CHFR: variants seen among roughly 807,000 people sequenced by gnomAD.
CHFR encodes the protein E3 ubiquitin-protein ligase CHFR.
Under a neutral mutation model 87.6 loss-of-function variants are expected in CHFR, and 57 were observed. The observed-to-expected ratio is 0.65, with a 90% CI of 0.53 to 0.81. CHFR has a LOEUF of 0.81. CHFR is among the 30% of genes least tolerant of loss of function. The pLI, the probability that CHFR is intolerant of heterozygous loss-of-function variation, is 0.00. For synonymous variants in CHFR, 381 were observed against 359.2 expected, an observed-to-expected ratio of 1.06 and a Z score of -0.69; for missense variants, 797 against 865.8, an observed-to-expected ratio of 0.92 and a Z score of 1.00.
chr12:132,872,528 A>C, intron 3 of CHFR, 134 bp from the exon 4 acceptor site: 1 of 624,780 alleles, frequency 1.6e-6, no homozygotes, highest in Non-Finnish European at 2.9e-6. Context: ...TAAATACGTA[A>C]CGATGCACAC....
chr12:132,880,628 A>G (rs1951745058), intron 2 of CHFR, among the ~76,000 whole-genome samples: 1 of 150,788 alleles, frequency 6.6e-6, no homozygotes, highest in Admixed American at 6.6e-5. Flanking sequence ...ACTGCACTCC[A>G]GCCTGGGCAA....
chr12:132,869,343 A>T (rs1382259916), intron 6 of CHFR, among the ~76,000 whole-genome samples: 1 of 152,102 alleles, frequency 6.6e-6, no homozygotes, highest in Admixed American at 6.5e-5. Flanking sequence ...ACTAAAATCC[A>T]CTGAAATGTA....
At chr12:132,842,696 C>T (rs939284556) in intron 17 of CHFR, among the ~76,000 whole-genome samples, 4 of 152,226 alleles carry the variant, frequency 2.6e-5, no homozygotes, top group Admixed American at 2.6e-4. Flanking sequence ...CAGCGCTTTG[C>T]GAGGGGGGCC....
chr12:132,884,995 G>A (rs1034164829), intron 2 of CHFR, among the ~76,000 whole-genome samples: 1 of 152,020 alleles, frequency 6.6e-6, no homozygotes, highest in African/African-American at 2.4e-5. Flanking sequence ...GGCTGAGGCA[G>A]GAGAATCGCT....
chr12:132,850,964 C>CATATATATATATATATATATATAT (rs55826641), intron 12 of CHFR, among the ~76,000 whole-genome samples: 1 of 135,682 alleles, frequency 7.4e-6, no homozygotes, highest in African/African-American at 2.9e-5. Context: ...TATGTGTGTG[C>CATATATATATATATATATATATAT]ATATATATAT....
At position 132,837,592 on chromosome 12, in the gene CHFR, A is replaced by T. The variant is rs995186320; in HGVS notation, c.*3962T>A. On this transcript the variant is annotated 3_prime_UTR_variant, in exon 18 of 18. Transcript: ENST00000450056. ...TCACCTTTGTTTTCAGTGTAACTCA[A>T]TTCTAAGTGTAGAGGATGCTTGAAT... 1.3e-5 allele frequency: 2 copies of T among 152,376 alleles called. No homozygotes were observed. The highest frequency in any genetic ancestry group is 4.8e-5 in the African/African-American group (2 of 41,456). The allele number at this position is 152,376 out of a possible 1,614,324, so 9.4% of individuals were successfully genotyped here.
At chr12:132,865,988 T>C (rs574165139) in intron 6 of CHFR, 3 of 152,338 alleles carry the variant, frequency 2.0e-5, no homozygotes, top group Non-Finnish European at 4.4e-5. Flanking sequence ...GATGCTTTCA[T>C]CTTGAAGTGT....
intron 16 of CHFR, among the ~76,000 whole-genome samples, chr12:132,843,306 A>C (rs1028977753): frequency 6.6e-6 from 1 of 152,118 alleles, no homozygotes; most frequent in African/African-American, 2.4e-5. Flanking sequence ...CATGCCTGTA[A>C]TCCCAGCACT....
chr12:132,844,086 C>T lies in CHFR; in HGVS notation c.1784G>A (p.Arg595His), dbSNP rs557461509. Residue 595 changes from arginine to histidine, a missense_variant, in exon 16 of 18, where the codon CGC (arginine) becomes CAC (histidine). Around this residue, in one of 2 missense-constraint regions of CHFR, gnomAD observed 200 missense variants for 264.6 expected, o/e 0.76. Coordinates refer to ENST00000450056, the MANE Select transcript of CHFR (RefSeq NM_001161346.2). ...CTGATAGGTCAGCTCACGGAAGCTG[C>T]GCAGGCCACAGCAGTAACACAGAAC... ...DTVLCYCCGL[R>H]SFRELTYQYR... 7 of 1,613,764 alleles carry T rather than the reference C, an allele frequency of 4.3e-6. No homozygotes were observed. Among genetic ancestry groups the T allele is most frequent in the African/African-American group, 4.0e-5 (3 of 75,010 alleles).
chr12:132,865,177 C>G (rs1184029689), intron 6 of CHFR, among the ~76,000 whole-genome samples: 1 of 152,216 alleles, frequency 6.6e-6, no homozygotes, highest in African/African-American at 2.4e-5. Context: ...CTCTATTCCT[C>G]TGGGGCTGTC....
At chr12:132,846,436 G>GT (rs1950828154) in intron 15 of CHFR, among the ~76,000 whole-genome samples, 1 of 151,690 alleles carries the variant, frequency 6.6e-6, no homozygotes, top group Non-Finnish European at 1.5e-5. Flanking sequence ...CTAATTTTTT[G>GT]TATTTTTCTT....
chr12:132,842,961 A>C lies in CHFR; in HGVS notation c.1916+50T>G, dbSNP rs1444665489. 7 of 1,471,100 alleles carry C rather than the reference A, an allele frequency of 4.8e-6. No individual in the cohort carries two copies. In the Admixed American group the frequency reaches 7.5e-5, roughly 16 times the overall value. The allele number at this position is 1,471,100 out of a possible 1,614,324, so 91.1% of individuals were successfully genotyped here. A position where few individuals can be genotyped will look rare whatever the true frequency, so the allele number is the denominator to read the frequency against. ...TCAGCCTATTTATAAGCAGGCAGTTAACTCATTCATCACTCTGTAGCTGAC... is the reference window on the plus strand; with the variant it reads ...TCAGCCTATTTATAAGCAGGCAGTTCACTCATTCATCACTCTGTAGCTGAC... On this transcript the variant is annotated intron_variant, in intron 17 of 17. Coordinates refer to ENST00000450056, the MANE Select transcript of CHFR (RefSeq NM_001161346.2).
At position 132,840,726 on chromosome 12, in the gene CHFR, A is replaced by C. The variant is rs1054216011; in HGVS notation, c.*828T>G. The C allele has an allele frequency of 6.7e-6, 1 of 150,110 alleles. No individual in the cohort carries two copies. The highest frequency in any genetic ancestry group is 2.5e-5 in the African/African-American group (1 of 40,244). 9.3% of individuals were successfully genotyped at this position (150,110 alleles called of 1,614,324 possible). ...GGCTTGGGGCCGTGGTCACTCACAC[A>C]AGGGAGCAGCACGTCCTGGGACCTG... On this transcript the variant is annotated 3_prime_UTR_variant, in exon 18 of 18. Coordinates refer to ENST00000450056, the MANE Select transcript of CHFR (RefSeq NM_001161346.2).
intron 2 of CHFR, among the ~76,000 whole-genome samples, chr12:132,878,194 G>A (rs1951674217): frequency 6.6e-6 from 1 of 152,176 alleles, no homozygotes; most frequent in Admixed American, 6.5e-5. Flanking sequence ...TTTACAGCCA[G>A]GCGCAGTGGC....
chr12:132,844,986 G>A (rs1454732457), intron 15 of CHFR, among the ~76,000 whole-genome samples: 1 of 152,138 alleles, frequency 6.6e-6, no homozygotes, highest in African/African-American at 2.4e-5. Context: ...AGAAGAAAAT[G>A]AGAAAATTAG....
At position 132,887,223 on chromosome 12, in the gene CHFR, G is replaced by A. The variant is rs1951919733; in HGVS notation, c.106C>T (p.Arg36Trp). 1 of 1,501,938 alleles carries A rather than the reference G, an allele frequency of 6.7e-7. No homozygotes were observed. The highest frequency in any genetic ancestry group is 8.8e-7 in the Non-Finnish European group (1 of 1,132,320). The allele number at this position is 1,501,938 out of a possible 1,614,324, so 93.0% of individuals were successfully genotyped here. A position where few individuals can be genotyped will look rare whatever the true frequency, so the allele number is the denominator to read the frequency against. ...CGTCTCCGCCCGATGGTCCACTCCC[G>A]CTTCCTCAGGAGGACGTGCGGCTCG... Reference protein sequence around the residue: ...EGEPHVLLRKREWTIGRRRGC... With the variant: ...EGEPHVLLRKWEWTIGRRRGC... The change falls in exon 2 of 18, where the codon CGG (arginine) becomes TGG (tryptophan). Residue 36 changes from arginine to tryptophan, a missense_variant. By Grantham distance (101) the Arg-to-Trp change is moderately radical. Coordinates refer to ENST00000450056, the MANE Select transcript of CHFR (RefSeq NM_001161346.2).
At chr12:132,874,043 C>T (rs1300492926) in intron 3 of CHFR, among the ~76,000 whole-genome samples, 3 of 152,182 alleles carry the variant, frequency 2.0e-5, no homozygotes, top group Admixed American at 6.5e-5. Context: ...TGCCAAGGAA[C>T]GTGGCACCTC....
chr12:132,836,773 A>G lies in CHFR; in HGVS notation c.*4781T>C, dbSNP rs1262864731. 4.4e-6 allele frequency: 2 copies of G among 455,984 alleles called. No individual in the cohort carries two copies. Among genetic ancestry groups the G allele is most frequent in the East Asian group, 6.9e-5 (1 of 14,390 alleles). 28.2% of individuals were successfully genotyped at this position (455,984 alleles called of 1,614,324 possible). On this transcript the variant is annotated 3_prime_UTR_variant, in exon 18 of 18. Coordinates refer to ENST00000450056, the MANE Select transcript of CHFR (RefSeq NM_001161346.2). ...AAGGGGCGCCTGTTTGTGCCGCGGG[A>G]AAGATTTCAAGCCCAGGGGACGGCT...
At chr12:132,848,922 T>A (rs1950882501) in intron 12 of CHFR, 198 bp from the exon 13 acceptor site, 4 of 529,174 alleles carry the variant, frequency 7.6e-6, no homozygotes, top group Admixed American at 6.8e-5. Context: ...GTTGTATCCC[T>A]GAAAAAAGGC....
Sources: allele counts gnomAD v4.1 joint callset (sites outside exome capture counted in the v4.1 genomes callset), GRCh38; gene constraint gnomAD v4.1.1; regional missense constraint gnomAD v4.1.1; transcripts MANE v1.5; gene names NCBI Gene and HGNC (gene_info 2026-07-23, HGNC 2026-07-21).